Variants in CENPM observed in about 807,000 individuals in gnomAD.
The protein encoded by CENPM is centromere protein M.
A neutral mutation model predicts 19.6 loss-of-function variants in CENPM; 14 were observed. The ratio of observed to expected loss-of-function variants is 0.71; its 90% CI spans 0.47 to 1.11. CENPM has a LOEUF of 1.11. Among genes scored for constraint, CENPM ranks in the 50% most tolerant of loss-of-function variants. The pLI is 0.00. For synonymous variants in CENPM, 114 were observed against 101.5 expected (o/e 1.12, Z -0.74); for missense variants, 239 against 228.4 (o/e 1.05, Z -0.30).
chr22:41,943,378 A>G (rs1054643495), intron 5 of CENPM, among the ~76,000 whole-genome samples: 1 of 152,230 alleles, frequency 6.6e-6, no homozygotes, highest in Non-Finnish European at 1.5e-5. Context: ...ATGAAAGCAC[A>G]TCATCCTCAC....
intron 5 of CENPM, among the ~76,000 whole-genome samples, chr22:41,941,549 G>A (rs1025365965): frequency 4.6e-5 from 7 of 152,246 alleles, no homozygotes; most frequent in African/African-American, 7.2e-5. Flanking sequence ...AGCAAAGATC[G>A]TGACTCCCCT....
At position 41,947,108 on chromosome 22, in the gene CENPM, G is replaced by T. The variant is rs752516442; in HGVS notation, c.-32C>A. Reference sequence around the variant, plus strand: ...CGCAGGACCAACCGTTGCTCCTGCGGTGCGCGCCGATCTTTCAAACCGCCC... The same window carrying T: ...CGCAGGACCAACCGTTGCTCCTGCGTTGCGCGCCGATCTTTCAAACCGCCC... On this transcript the variant is annotated 5_prime_UTR_variant, in exon 1 of 6. Coordinates refer to ENST00000215980, the MANE Select transcript of CENPM (RefSeq NM_024053.5). 1.9e-6 allele frequency: 3 copies of T among 1,609,504 alleles called. No individual in the cohort carries two copies. Among genetic ancestry groups the T allele is most frequent in the Non-Finnish European group, 8.5e-7 (1 of 1,177,556 alleles).
intron 4 of CENPM, 113 bp downstream of exon 4, chr22:41,945,112 T>C (rs2146615204): frequency 6.4e-7 from 1 of 1,566,930 alleles, no homozygotes; most frequent in East Asian, 2.4e-5. Flanking sequence ...GGCCCCAGTG[T>C]GTGTAAAATA....
chr22:41,946,475 G>C lies in CENPM; in HGVS notation c.79C>G (p.Leu27Val). 6.2e-7 allele frequency: 1 copy of C among 1,613,258 alleles called. No homozygotes were observed. The highest frequency in any genetic ancestry group is 1.1e-5 in the South Asian group (1 of 91,030). The change falls in exon 2 of 6, where the codon CTT (leucine) becomes GTT (valine). Residue 27 changes from leucine to valine, a missense_variant. Physicochemically the swap from Leu to Val is conservative, Grantham distance 32. Transcript: ENST00000215980. ...TILLVGTEDA[L>V]LQQLADSMLK... is the part of the protein sequence containing the mutation. ...ATCGAGTCCGCCAGCTGCTGCAGAA[G>C]AGCATCCTCCGTGCCCACCAGCTGC...
At chr22:41,934,644 G>A (rs1274899993), downstream of CENPM, among the ~76,000 whole-genome samples, 1 of 152,228 alleles carries the variant, frequency 6.6e-6, no homozygotes. Context: ...ACCAGCCTGG[G>A]CAGCATAGCA....
At chr22:41,930,503 A>G in the CENPM span, among the ~76,000 whole-genome samples, 4 of 151,536 alleles carry the variant, frequency 2.6e-5, no homozygotes, top group Non-Finnish European at 2.9e-5. Flanking sequence ...CGCCTGGCCT[A>G]ATTTCTTTTC....
Position 41,946,512 on chromosome 22 carries a change from G to T in CENPM, c.58-16C>A. The T allele has an allele frequency of 6.2e-7, 1 of 1,611,482 alleles. No homozygotes were observed. Among genetic ancestry groups the T allele is most frequent in the Non-Finnish European group, 8.5e-7 (1 of 1,178,926 alleles). On this transcript the variant is annotated splice_polypyrimidine_tract_variant and intron_variant, in intron 1 of 5. Transcript: ENST00000215980. ...TGCCCACCAGCTGCGCAGGGAGAGA[G>T]AGCGGACAGTCGAGCCCTAGGCACA...
At chr22:41,946,919 C>G in intron 1 of CENPM, 101 bp downstream of exon 1, 2 of 1,220,392 alleles carry the variant, frequency 1.6e-6, no homozygotes, top group Non-Finnish European at 2.4e-6. Context: ...GCCACGGTAG[C>G]GCGCGCTGGC....
At chr22:41,934,364 G>A (rs184417989), downstream of CENPM, among the ~76,000 whole-genome samples, 2 of 152,286 alleles carry the variant, frequency 1.3e-5, no homozygotes, top group Admixed American at 6.5e-5. Flanking sequence ...GTGTGACTCC[G>A]AGTAAGCTCT....
At chr22:41,946,171 C>G in intron 2 of CENPM, 166 bp from the exon 3 acceptor site, 1 of 694,002 alleles carries the variant, frequency 1.4e-6, no homozygotes, top group South Asian at 1.6e-5. Flanking sequence ...AGAGGCAGGA[C>G]AGGTCCGGTC....
Position 41,943,647 on chromosome 22 carries a change from TG to T in CENPM, c.364del (p.His122ThrfsTer42). ...GTAGAGCAGGGGGCTTTGATAGGTG[TG>T]GGCCAGCTTCACCACGGTGTGCCGG... ...IHRHTVVKLA[H>X]TYQSPLLYCD... is the part of the protein sequence containing the mutation. On this transcript the variant is annotated frameshift_variant, in exon 5 of 6. Transcript: ENST00000215980. LOFTEE classifies it high-confidence loss of function. 1 of 1,613,872 alleles carries T rather than the reference TG, an allele frequency of 6.2e-7. No homozygotes were observed. The highest frequency in any genetic ancestry group is 8.5e-7 in the Non-Finnish European group (1 of 1,179,932).
downstream of CENPM, among the ~76,000 whole-genome samples, chr22:41,934,432 C>T (rs1220650876): frequency 2.0e-5 from 3 of 152,182 alleles, no homozygotes; most frequent in South Asian, 2.1e-4. Context: ...AGAGCACGGA[C>T]GGGGCAGCTT....
chr22:41,941,260 T>C (rs1165514391), intron 5 of CENPM, among the ~76,000 whole-genome samples: 1 of 152,244 alleles, frequency 6.6e-6, no homozygotes, highest in Non-Finnish European at 1.5e-5. Flanking sequence ...AACTCAATTA[T>C]GCAGAAGAGT....
chr22:41,937,439 GCA>G (rs751733059), downstream of CENPM, among the ~76,000 whole-genome samples: 4 of 151,940 alleles, frequency 2.6e-5, no homozygotes, highest in Middle Eastern at 6.8e-3. Flanking sequence ...GGGACTATAG[GCA>G]CAGACTGCCA....
At chr22:41,927,513 CTT>C in the CENPM span, among the ~76,000 whole-genome samples, 21 of 129,236 alleles carry the variant, frequency 1.6e-4, no homozygotes, top group African/African-American at 2.0e-4. Flanking sequence ...CAGACACCTG[CTT>C]TTTTTTTTTT....
the CENPM span, among the ~76,000 whole-genome samples, chr22:41,931,467 G>A: frequency 6.6e-6 from 1 of 150,626 alleles, no homozygotes; most frequent in African/African-American, 2.5e-5. Flanking sequence ...CTGACAGAGC[G>A]AGACCCCATC....
Position 41,946,410 on chromosome 22 carries a change from T to C in CENPM, c.137+7A>G, listed in dbSNP as rs1319758500. ...CGTGGGCCCAGGCCACAGCCGCGGCTACTTACACCTTCAGCTCGGAGGCGC... is the reference window on the plus strand; with the variant it reads ...CGTGGGCCCAGGCCACAGCCGCGGCCACTTACACCTTCAGCTCGGAGGCGC... On this transcript the variant is annotated splice_region_variant and intron_variant, in intron 2 of 5. Coordinates refer to ENST00000215980, the MANE Select transcript of CENPM (RefSeq NM_024053.5). 3 of 1,612,336 alleles carry C rather than the reference T, an allele frequency of 1.9e-6. No individual in the cohort carries two copies. The highest frequency in any genetic ancestry group is 2.5e-6 in the Non-Finnish European group (3 of 1,179,466).
chr22:41,931,185 T>C, the CENPM span, among the ~76,000 whole-genome samples: 1 of 147,874 alleles, frequency 6.8e-6, no homozygotes, highest in African/African-American at 2.5e-5. Flanking sequence ...AAAGATAATT[T>C]GGGCCTGGTG....
At chr22:41,931,005 T>G in the CENPM span, among the ~76,000 whole-genome samples, 1 of 151,656 alleles carries the variant, frequency 6.6e-6, no homozygotes, top group Non-Finnish European at 1.5e-5. Context: ...CCCAGCTAAC[T>G]TTTGCATTTT....
Sources: allele counts gnomAD v4.1 joint callset (sites outside exome capture counted in the v4.1 genomes callset), GRCh38; gene constraint gnomAD v4.1.1; transcripts MANE v1.5; gene names NCBI Gene and HGNC (gene_info 2026-07-23, HGNC 2026-07-21).